The following COL4A6 variants were observed in gnomAD, a reference collection of about 807,000 sequenced individuals.
COL4A6 encodes the protein collagen type IV alpha 6 chain.
Under a neutral mutation model 126.7 loss-of-function variants are expected in COL4A6, and 59 were observed. That is an observed-to-expected ratio of 0.47 (90% confidence interval 0.38 to 0.58). The LOEUF is 0.58. COL4A6 is among the 20% of genes least tolerant of loss of function. The pLI is 0.00. For missense variants in COL4A6, 1,285 were observed against 1,337.3 expected, an observed-to-expected ratio of 0.96 and a Z score of 0.61; for synonymous variants, 547 against 496.6, an observed-to-expected ratio of 1.10 and a Z score of -1.35.
intron 2 of COL4A6, among the ~76,000 whole-genome samples, chrX:108,416,577 A>G (rs905252714): frequency 8.9e-6 from 1 of 112,356 alleles, no homozygotes; most frequent in Admixed American, 9.4e-5. Context: ...GTTTACTTTT[A>G]GACAGTGTGT....
At chrX:108,184,354 T>G (rs2034786437) in intron 23 of COL4A6, among the ~76,000 whole-genome samples, 2 of 112,391 alleles carry the variant, frequency 1.8e-5, no homozygotes, top group Non-Finnish European at 3.8e-5. Flanking sequence ...TGAATATGAT[T>G]TGTCTCCACC....
chrX:108,413,649 G>A (rs779974657), intron 2 of COL4A6, among the ~76,000 whole-genome samples: 24 of 110,668 alleles, frequency 2.2e-4, no homozygotes, highest in South Asian at 1.2e-3. Context: ...TAGTAGAGAC[G>A]GGGTTTCACC....
intron 3 of COL4A6, among the ~76,000 whole-genome samples, chrX:108,269,697 G>T (rs1044207756): frequency 2.7e-5 from 3 of 112,053 alleles, no homozygotes; most frequent in African/African-American, 9.7e-5. Flanking sequence ...ATTCTTCAAA[G>T]AACTATAGTA....
chrX:108,391,077 A>T (rs2040826984), intron 2 of COL4A6, among the ~76,000 whole-genome samples: 1 of 111,250 alleles, frequency 9.0e-6, no homozygotes, highest in Non-Finnish European at 1.9e-5. Context: ...GCTTCGTCAC[A>T]GAGGGGCACC....
rs1209845577 is a variant in COL4A6 at position 108,309,037 on chromosome X, T to C, written c.144+1711A>G. Among the ~76,000 whole-genome samples the C allele has an allele frequency of 4.5e-5, 5 of 111,786 alleles. No homozygotes were observed. The East Asian group carries it at 1.4e-3, about 31-fold the overall frequency. On this transcript the variant is annotated intron_variant, in intron 3 of 44. Transcript: ENST00000334504. ...AGGGGCCCAGAATATATACTTAGAATTCTATTTTGGAAAAGAAAATCAGAT... is the reference window on the plus strand; with the variant it reads ...AGGGGCCCAGAATATATACTTAGAACTCTATTTTGGAAAAGAAAATCAGAT...
At chrX:108,309,974 A>G (rs1192565336) in intron 3 of COL4A6, among the ~76,000 whole-genome samples, 1 of 111,477 alleles carries the variant, frequency 9.0e-6, no homozygotes, top group African/African-American at 3.3e-5. Flanking sequence ...AGATTTTTGA[A>G]TTAGGGATGC....
At chrX:108,392,167 T>C (rs2040852983) in intron 2 of COL4A6, among the ~76,000 whole-genome samples, 1 of 112,047 alleles carries the variant, frequency 8.9e-6, no homozygotes, top group African/African-American at 3.2e-5. Context: ...ATAAAACTTT[T>C]AGAAGAAAAC....
rs766580251 is a variant in COL4A6 at position 108,307,011 on chromosome X, T to C, written c.144+3737A>G. On this transcript the variant is annotated intron_variant, in intron 3 of 44. Coordinates refer to ENST00000334504, the MANE Select transcript of COL4A6 (RefSeq NM_033641.4). ...CCAACTTCAGACAAACACACACTGA[T>C]GGAGTATAATGCAGAGATAGCTTTC... Among the ~76,000 whole-genome samples the C allele has an allele frequency of 5.6e-5, 6 of 107,922 alleles. No homozygotes were observed. In the South Asian group the frequency reaches 1.7e-3, roughly 30 times the overall value. The allele number at this position is 107,922 out of a possible 115,157, so 93.7% of individuals were successfully genotyped here.
intron 12 of COL4A6, among the ~76,000 whole-genome samples, chrX:108,203,424 T>C (rs1313016449): frequency 1.8e-5 from 2 of 112,214 alleles, no homozygotes; most frequent in African/African-American, 3.2e-5. Context: ...AATTTATCTA[T>C]ACGTGCCATG....
chrX:108,281,248 A>G (rs1464792458), intron 3 of COL4A6, among the ~76,000 whole-genome samples: 1 of 92,979 alleles, frequency 1.1e-5, no homozygotes, highest in Non-Finnish European at 2.1e-5. Flanking sequence ...AGAAAACCCC[A>G]TTGTCTCAGC....
chrX:108,376,624 A>AAATAAAATAC (rs1308751048), intron 2 of COL4A6, among the ~76,000 whole-genome samples: 2 of 112,041 alleles, frequency 1.8e-5, no homozygotes, highest in African/African-American at 6.5e-5. Flanking sequence ...AAATAAAATA[A>AAATAAAATAC]AATAAAATAA....
chrX:108,324,932 C>T (rs1014987987), intron 2 of COL4A6, among the ~76,000 whole-genome samples: 3 of 112,378 alleles, frequency 2.7e-5, no homozygotes, highest in Admixed American at 9.4e-5. Context: ...CAACATATTA[C>T]TTTTACCTAT....
intron 37 of COL4A6, among the ~76,000 whole-genome samples, chrX:108,168,456 A>G (rs2034197397): frequency 8.9e-6 from 1 of 112,438 alleles, no homozygotes; most frequent in Non-Finnish European, 1.9e-5. Flanking sequence ...AAACATACAC[A>G]CTGTACACAA....
chrX:108,431,045 C>T (rs998819661), intron 2 of COL4A6, among the ~76,000 whole-genome samples: 5 of 111,014 alleles, frequency 4.5e-5, no homozygotes, highest in Admixed American at 3.8e-4. Flanking sequence ...TAGTTAAAAC[C>T]ATTGAGGCAA....
chrX:108,327,296 T>C (rs1189023836), intron 2 of COL4A6, among the ~76,000 whole-genome samples: 2 of 109,393 alleles, frequency 1.8e-5, no homozygotes, highest in African/African-American at 6.7e-5. Flanking sequence ...AGTTTCATCC[T>C]GTAAGCATCC....
intron 2 of COL4A6, among the ~76,000 whole-genome samples, chrX:108,350,018 T>A (rs189993247): frequency 0.015 from 1,703 of 111,607 alleles, 27 homozygotes; most frequent in African/African-American, 0.053. Flanking sequence ...CAGCTAATAA[T>A]TGGCAGAGCT....
intron 3 of COL4A6, among the ~76,000 whole-genome samples, chrX:108,266,036 G>A (rs2037292431): frequency 8.9e-6 from 1 of 111,917 alleles, no homozygotes; most frequent in African/African-American, 3.2e-5. Flanking sequence ...GGGCATCCTT[G>A]GAGGCAGACA....
intron 5 of COL4A6, among the ~76,000 whole-genome samples, chrX:108,218,091 G>A (rs761550261): frequency 1.8e-5 from 2 of 112,116 alleles, no homozygotes; most frequent in South Asian, 3.7e-4. Context: ...CTCTGGGGCC[G>A]TTTCCAGCTC....
chrX:108,341,072 C>A (rs1477242740), intron 2 of COL4A6, among the ~76,000 whole-genome samples: 1 of 111,114 alleles, frequency 9.0e-6, no homozygotes, highest in Non-Finnish European at 1.9e-5. Context: ...GTTTGTAAGG[C>A]TGAATGAGAG....
Sources: allele counts gnomAD v4.1 joint callset (sites outside exome capture counted in the v4.1 genomes callset), GRCh38; gene constraint gnomAD v4.1.1; transcripts MANE v1.5; gene names NCBI Gene and HGNC (gene_info 2026-07-23, HGNC 2026-07-21).